The following SERPINB6 variants were observed in gnomAD, a reference collection of about 807,000 sequenced individuals.
SERPINB6 encodes serpin B6.
A neutral mutation model predicts 26.1 loss-of-function variants in SERPINB6; 16 were observed. That is an observed-to-expected ratio of 0.61 (90% CI 0.42 to 0.93). The LOEUF (loss-of-function observed/expected upper bound fraction) is 0.93. Among genes scored for constraint, SERPINB6 ranks in the 40% least tolerant of loss-of-function variants. The pLI, the probability that SERPINB6 is intolerant of heterozygous loss-of-function variation, is 0.00. For synonymous variants in SERPINB6, 174 were observed against 176.6 expected (o/e 0.99, Z 0.11); for missense variants, 420 against 478.0 (o/e 0.88, Z 1.13).
chr6:2,953,071 G>A lies in SERPINB6; in HGVS notation c.546C>T (p.Thr182=), dbSNP rs757731591. The A allele has an allele frequency of 4.8e-5, 77 of 1,614,068 alleles. No homozygotes were observed. Among genetic ancestry groups the A allele is most frequent in the Admixed American group, 8.3e-5 (5 of 60,012 alleles). The change falls in exon 5 of 7, where the codon ACC becomes ACT. Residue 182 remains threonine (T), a synonymous_variant. Coordinates refer to ENST00000380539, the MANE Select transcript of SERPINB6 (RefSeq NM_004568.6). ...TGCTGACTTTAAACAGTCTCTCCTCGGTGTTCTCCTTGTCAAACTGTTCAT... is the reference window on the plus strand; with the variant it reads ...TGCTGACTTTAAACAGTCTCTCCTCAGTGTTCTCCTTGTCAAACTGTTCAT... ...NWDEQFDKEN[T]EERLFKVSKN...
intron 5 of SERPINB6, among the ~76,000 whole-genome samples, chr6:2,952,812 A>AT (rs1282029800): frequency 1.3e-5 from 2 of 152,230 alleles, no homozygotes; most frequent in Admixed American, 6.5e-5. Context: ...ATGGCACGCC[A>AT]TATCTGGAGT....
chr6:2,967,723 G>A lies in SERPINB6; in HGVS notation c.-11+3810C>T, dbSNP rs1350881271. ...CAGTATCACTGATCATTAGAGAAAT[G>A]CAAATCAAAACCACAATGAGATACC... On this transcript the variant is annotated intron_variant, in intron 1 of 6. Transcript: ENST00000380539. This position sits in a 1 kb window ranked among gnomAD's most constrained non-coding sequence, Gnocchi z 4.3. 6.6e-6 allele frequency: 1 copy of A among 152,158 alleles called. No individual in the cohort carries two copies. Among genetic ancestry groups the A allele is most frequent in the Non-Finnish European group, 1.5e-5 (1 of 68,024 alleles). 9.4% of individuals were successfully genotyped at this position (152,158 alleles called of 1,614,324 possible).
rs544420774 is a variant in SERPINB6 at position 2,969,329 on chromosome 6, T to C, written c.-11+2204A>G. The C allele has an allele frequency of 1.4e-3, 1,387 of 985,348 alleles. 1 individual carries two copies. Among genetic ancestry groups the C allele is most frequent in the Admixed American group, 2.1e-3 (35 of 16,288 alleles). 61.0% of individuals were successfully genotyped at this position (985,348 alleles called of 1,614,324 possible). A position where few individuals can be genotyped will look rare whatever the true frequency, so the allele number is the denominator to read the frequency against. On this transcript the variant is annotated intron_variant, in intron 1 of 6. Coordinates refer to ENST00000380539, the MANE Select transcript of SERPINB6 (RefSeq NM_004568.6). ...ACTTCTTTAGCTTCAGTAAATAAGA[T>C]AGCTAAGTGTCCTTCATATATATAT...
chr6:2,971,083 G>C (rs1435679828), intron 1 of SERPINB6: 1 of 1,128,300 alleles, frequency 8.9e-7, no homozygotes, highest in African/African-American at 1.6e-5. Flanking sequence ...AGCGGGCGAG[G>C]GGTCACCGAG....
intron 1 of SERPINB6, chr6:2,969,826 A>G (rs1253008402): frequency 2.0e-6 from 2 of 980,530 alleles, no homozygotes; most frequent in Non-Finnish European, 1.2e-6. Context: ...GCAGCCTAAC[A>G]TATAAATGGG....
At chr6:2,952,210 T>C (rs1163465418) in intron 5 of SERPINB6, among the ~76,000 whole-genome samples, 1 of 152,216 alleles carries the variant, frequency 6.6e-6, no homozygotes, top group African/African-American at 2.4e-5. Context: ...AGAATAAAGC[T>C]TCAAAGAAAA....
rs544590864 is a variant in SERPINB6 at position 2,950,021 on chromosome 6, A to G, written c.574-952T>C. Among the ~76,000 whole-genome samples, 3 of 152,200 alleles carry G rather than the reference A, an allele frequency of 2.0e-5. No individual in the cohort carries two copies. In the South Asian group the frequency reaches 6.2e-4, roughly 32 times the overall value. On this transcript the variant is annotated intron_variant, in intron 5 of 6. Transcript: ENST00000380539. ...CCTTGGCAGAGAAGCTGTCCTTGATAGATCTTACCTGACCCTACACTCCCA... is the reference window on the plus strand; with the variant it reads ...CCTTGGCAGAGAAGCTGTCCTTGATGGATCTTACCTGACCCTACACTCCCA...
rs758315425 is a variant in SERPINB6 at position 2,948,219 on chromosome 6, G to A, written c.*79C>T. 2.6e-5 allele frequency: 40 copies of A among 1,556,772 alleles called. No homozygotes were observed. The highest frequency in any genetic ancestry group is 3.3e-5 in the Non-Finnish European group (37 of 1,130,102). On this transcript the variant is annotated 3_prime_UTR_variant, in exon 7 of 7. Transcript: ENST00000380539. This position sits in a 1 kb window ranked among gnomAD's most constrained non-coding sequence, Gnocchi z 5.0. ...TGAACTGCCACCACTGCACGGATAA[G>A]GCCACTTGGGTTGCAGGCACACTGT... is the stretch of plus-strand genomic sequence containing the variant.
At chr6:2,954,034 G>GA (rs1008420642) in intron 4 of SERPINB6, among the ~76,000 whole-genome samples, 8 of 128,964 alleles carry the variant, frequency 6.2e-5, no homozygotes, top group East Asian at 2.2e-4. Context: ...CCATCTCAAA[G>GA]AAAAAAAAAG....
intron 1 of SERPINB6, chr6:2,963,910 CG>C (rs1441839244): frequency 6.6e-6 from 1 of 152,182 alleles, no homozygotes; most frequent in East Asian, 1.9e-4. Context: ...TGATGTTCCC[CG>C]GTGCCTGCCA....
chr6:2,955,407 T>C, intron 3 of SERPINB6, 117 bp downstream of exon 3: 1 of 1,200,120 alleles, frequency 8.3e-7, no homozygotes, highest in Non-Finnish European at 1.2e-6. Context: ...GAAAAGAAAT[T>C]ACAAAAGCCT....
At chr6:2,961,346 C>A (rs568852288) in intron 1 of SERPINB6, 14 of 152,238 alleles carry the variant, frequency 9.2e-5, no homozygotes, top group African/African-American at 3.4e-4. Flanking sequence ...ATAGAAAGTA[C>A]ATATTACTAA....
At chr6:2,954,510 A>C in intron 4 of SERPINB6, 82 bp downstream of exon 4, 1 of 1,102,520 alleles carries the variant, frequency 9.1e-7, no homozygotes, top group South Asian at 1.3e-5. Context: ...ATTCCTGTTT[A>C]CAATTGACAG....
Position 2,948,874 on chromosome 6 carries a change from G to A in SERPINB6, c.729+40C>T, listed in dbSNP as rs1769434219. ...CAGCCACAGCAGACACCCCCGAGTG[G>A]CTCCTTGCTAGCACGCCTCGCTCAC... is the stretch of plus-strand genomic sequence containing the variant. On this transcript the variant is annotated intron_variant, in intron 6 of 6. Transcript: ENST00000380539. The surrounding 1 kb of genome is among the most constrained non-coding windows in gnomAD (Gnocchi z 5.0). 6.2e-7 allele frequency: 1 copy of A among 1,613,578 alleles called. No homozygotes were observed. The highest frequency in any genetic ancestry group is 1.1e-5 in the South Asian group (1 of 91,072).
chr6:2,948,553 A>G lies in SERPINB6; in HGVS notation c.876T>C (p.Thr292=), dbSNP rs753968926. 1.2e-6 allele frequency: 2 copies of G among 1,614,206 alleles called. No individual in the cohort carries two copies. The highest frequency in any genetic ancestry group is 3.3e-5 in the Admixed American group (2 of 60,020). ...CTGCCTTGCCCAGCTCGAAGGCATC[A>G]GTCATGCCCAGGTTGCGCAGGACAC... ...MESVLRNLGM[T]DAFELGKADF... is the part of the protein sequence containing the mutation. Residue 292 remains threonine, a synonymous_variant, in exon 7 of 7, where the codon ACT becomes ACC. Transcript: ENST00000380539. The surrounding 1 kb of genome is among the most constrained non-coding windows in gnomAD (Gnocchi z 5.0).
intron 1 of SERPINB6, chr6:2,969,970 A>C (rs1348963170): frequency 5.0e-6 from 4 of 792,938 alleles, no homozygotes; most frequent in African/African-American, 1.9e-5. Flanking sequence ...CCCCATTGCT[A>C]CTAAAAATAC....
At chr6:2,953,498 C>A (rs919953335) in intron 4 of SERPINB6, among the ~76,000 whole-genome samples, 2 of 152,040 alleles carry the variant, frequency 1.3e-5, no homozygotes, top group African/African-American at 4.8e-5. Context: ...AAAGGATTAT[C>A]AAAAAGGTGG....
At chr6:2,960,762 C>T (rs748411811) in intron 1 of SERPINB6, 1 of 152,392 alleles carries the variant, frequency 6.6e-6, no homozygotes, top group Non-Finnish European at 1.5e-5. Flanking sequence ...ATACCTGGGT[C>T]ATAATCCCTG....
intron 1 of SERPINB6, chr6:2,960,783 A>T (rs1417643910): frequency 6.6e-6 from 1 of 152,370 alleles, no homozygotes; most frequent in Admixed American, 6.5e-5. Context: ...GGACCTGTGA[A>T]TGCCCCTTAC....
Sources: gnomAD v4.1 joint callset for allele counts (sites outside exome capture counted in the v4.1 genomes callset) on GRCh38, gnomAD v4.1.1 for gene constraint, Gnocchi (gnomAD v3.1) non-coding constraint, MANE v1.5 for transcripts, NCBI Gene and HGNC (gene_info 2026-07-23, HGNC 2026-07-21) for gene names.